RPS6: variants seen among roughly 807,000 people sequenced by gnomAD.
RPS6 encodes small ribosomal subunit protein eS6.
Under a neutral mutation model 27.1 loss-of-function variants are expected in RPS6, and 1 was observed. That is an observed-to-expected ratio of 0.04 (90% CI 0.01 to 0.18). The LOEUF is 0.18. Among genes scored for constraint, RPS6 ranks in the 10% least tolerant of loss-of-function variants. The probability of loss-of-function intolerance (pLI) is 1.00; values close to 1 mark genes in which losing one functional copy is unlikely to be tolerated. For synonymous variants in RPS6, 152 were observed against 106.0 expected (o/e 1.43, Z -2.66); for missense variants, 259 against 319.1 (o/e 0.81, Z 1.44).
At chr9:19,376,698 A>ATCCACT (rs1351455743) in intron 4 of RPS6, 47 bp from the exon 5 acceptor site, 1 of 1,558,108 alleles carries the variant, frequency 6.4e-7, no homozygotes, top group South Asian at 1.2e-5. Context: ...TTTTGTTAGA[A>ATCCACT]TCCACATCTA....
At chr9:19,379,178 C>T (rs1160184809) in intron 2 of RPS6, 1 of 900,286 alleles carries the variant, frequency 1.1e-6, no homozygotes, top group Non-Finnish European at 1.6e-6. Context: ...AAATATCAAA[C>T]AGCAACAAAC....
chr9:19,379,345 A>T (rs755405130), intron 2 of RPS6, 142 bp downstream of exon 2: 87 of 1,543,376 alleles, frequency 5.6e-5, no homozygotes, highest in Non-Finnish European at 7.6e-5. Flanking sequence ...TAATACCTCT[A>T]ACTTTATAAA....
chr9:19,380,167 T>A (rs775039096), intron 1 of RPS6, 23 bp downstream of exon 1: 1 of 1,614,104 alleles, frequency 6.2e-7, no homozygotes, highest in Non-Finnish European at 8.5e-7. Context: ...AAACCCAGTC[T>A]AACACTCGCC....
intron 4 of RPS6, 144 bp from the exon 5 acceptor site, chr9:19,376,795 T>G (rs1829595962): frequency 1.5e-6 from 1 of 683,864 alleles, no homozygotes; most frequent in African/African-American, 1.8e-5. Flanking sequence ...AGAACTATTC[T>G]AAAATGCTTT....
chr9:19,379,557 T>C lies in RPS6; in HGVS notation c.68A>G (p.Lys23Arg), dbSNP rs150091661. The change falls in exon 2 of 6, where the codon AAA becomes AGA. Residue 23 changes from lysine to arginine, a missense_variant. By Grantham distance (26) the Lys-to-Arg change is conservative. This residue lies in a region of RPS6 where 65 missense variants were observed against 66.6 expected (regional missense o/e 0.98). Coordinates refer to ENST00000380394, the MANE Select transcript of RPS6 (RefSeq NM_001010.3). ...ACGCTTCTCATAGAAAGTACGAAGT[T>C]TGCGTTCATCGTCCACTTCAATGAG... is the stretch of plus-strand genomic sequence containing the variant. ...QKLIEVDDER[K>R]LRTFYEKRMA... is the part of the protein sequence containing the mutation. 2.1e-5 allele frequency: 34 copies of C among 1,614,226 alleles called. No individual in the cohort carries two copies. In the African/African-American group the frequency reaches 3.7e-4, roughly 18 times the overall value.
intron 4 of RPS6, among the ~76,000 whole-genome samples, chr9:19,377,528 G>GT: frequency 6.6e-6 from 1 of 151,896 alleles, no homozygotes; most frequent in South Asian, 2.1e-4. Flanking sequence ...TCTATGCCAT[G>GT]TATGTTAAGT....
chr9:19,380,043 T>C, intron 1 of RPS6, 147 bp downstream of exon 1: 1 of 1,570,806 alleles, frequency 6.4e-7, no homozygotes, highest in East Asian at 2.3e-5. Context: ...AAAAGCTCCA[T>C]GCCCCAGAAA....
Position 19,376,531 on chromosome 9 carries a change from G to C in RPS6, c.617C>G (p.Ala206Gly). Residue 206 changes from alanine to glycine, a missense_variant, in exon 5 of 6, where the codon GCT becomes GGT. By Grantham distance (60) the Ala-to-Gly change is moderately conservative. Transcript: ENST00000380394. ...GGCCAAAAGTTTAGCATATTCTGCA[G>C]CCTCTTCTTTATTTTTCTTGGTACG... ...KQRTKKNKEE[A>G]AEYAKLLAKR... is the part of the protein sequence containing the mutation. 1.2e-6 allele frequency: 2 copies of C among 1,614,072 alleles called. No homozygotes were observed. Among genetic ancestry groups the C allele is most frequent in the African/African-American group, 1.3e-5 (1 of 75,008 alleles).
At chr9:19,378,956 C>T in intron 2 of RPS6, 38 bp from the exon 3 acceptor site, 1 of 1,590,076 alleles carries the variant, frequency 6.3e-7, no homozygotes, top group Non-Finnish European at 8.6e-7. Context: ...TTTACTATTT[C>T]TATTCCAAAA....
At chr9:19,378,591 T>C in intron 3 of RPS6, 77 bp from the exon 4 acceptor site, 10 of 1,585,210 alleles carry the variant, frequency 6.3e-6, no homozygotes, top group East Asian at 2.2e-5. Flanking sequence ...TAATGTTGAA[T>C]TGATGGTAGA....
chr9:19,377,447 T>A (rs995739260), intron 4 of RPS6, among the ~76,000 whole-genome samples: 6 of 151,568 alleles, frequency 4.0e-5, no homozygotes, highest in African/African-American at 1.5e-4. Flanking sequence ...TTGTCTATAC[T>A]GTATTCTCAG....
In RPS6 at chr9:19,375,888, A is replaced by ACCTTT. The variant is rs1829566384; in HGVS notation, c.*400_*404dup. On this transcript the variant is annotated 3_prime_UTR_variant, in exon 6 of 6. Coordinates refer to ENST00000380394, the MANE Select transcript of RPS6 (RefSeq NM_001010.3). ...CCACTAAAACTATGCCTTAAAAGTT[A>ACCTTT]CCTTTTAAAAAAGACATGTTCATCT... The ACCTTT allele has an allele frequency of 1.3e-5, 2 of 154,472 alleles. No homozygotes were observed. Among genetic ancestry groups the ACCTTT allele is most frequent in the Non-Finnish European group, 2.9e-5 (2 of 69,530 alleles). 9.6% of individuals were successfully genotyped at this position (154,472 alleles called of 1,614,324 possible).
rs878981504 is a variant in RPS6 at position 19,376,488 on chromosome 9, A to G, written c.654+6T>C. 6 of 1,613,776 alleles carry G rather than the reference A, an allele frequency of 3.7e-6. No individual in the cohort carries two copies. Among genetic ancestry groups the G allele is most frequent in the Non-Finnish European group, 5.1e-6 (6 of 1,179,900 alleles). On this transcript the variant is annotated splice_donor_region_variant and intron_variant, in intron 5 of 5. Transcript: ENST00000380394. ...CTCCCACCCCCTCAAATCATCTTAG[A>G]CTAACCTTCATTCTCTTGGCCAAAA... is the stretch of plus-strand genomic sequence containing the variant.
At chr9:19,376,925 G>A in intron 4 of RPS6, 1 of 305,644 alleles carries the variant, frequency 3.3e-6, no homozygotes, top group Non-Finnish European at 6.0e-6. Flanking sequence ...AAATACAGTG[G>A]CATTATGTTA....
chr9:19,380,027 C>T, intron 1 of RPS6, 163 bp downstream of exon 1: 1 of 1,530,012 alleles, frequency 6.5e-7, no homozygotes. Context: ...GCCATCCGTT[C>T]GGCCAAAAAG....
chr9:19,376,269 T>G lies in RPS6; in HGVS notation c.*24A>C. 1 of 1,576,472 alleles carries G rather than the reference T, an allele frequency of 6.3e-7. No homozygotes were observed. Among genetic ancestry groups the G allele is most frequent in the Non-Finnish European group, 8.7e-7 (1 of 1,152,076 alleles). ...GTCAACAGAGATCAGAGTCTGATCT[T>G]ATTTATTTGTTACTCAAAAAATCTT... On this transcript the variant is annotated 3_prime_UTR_variant, in exon 6 of 6. Transcript: ENST00000380394.
intron 1 of RPS6, 35 bp downstream of exon 1, chr9:19,380,155 C>G (rs777671286): frequency 6.2e-7 from 1 of 1,613,742 alleles, no homozygotes; most frequent in Admixed American, 1.7e-5. Flanking sequence ...TTCACGTTCC[C>G]CAAACCCAGT....
Position 19,379,568 on chromosome 9 carries a change from G to A in RPS6, c.57C>T (p.Asp19=), listed in dbSNP as rs531584522. 3 of 1,614,132 alleles carry A rather than the reference G, an allele frequency of 1.9e-6. No homozygotes were observed. In the African/African-American group the frequency reaches 4.0e-5, roughly 22 times the overall value. ...ATGCQKLIEV[D]DERKLRTFYE... is the part of the protein sequence containing the mutation. ...AGAAAGTACGAAGTTTGCGTTCATC[G>A]TCCACTTCAATGAGTTTCTGGCAGC... Residue 19 remains aspartate, a synonymous_variant, in exon 2 of 6, where the codon GAC becomes GAT. Transcript: ENST00000380394.
intron 2 of RPS6, chr9:19,379,282 G>A: frequency 6.8e-7 from 1 of 1,464,192 alleles, no homozygotes; most frequent in Non-Finnish European, 9.1e-7. Flanking sequence ...GAATTATGTT[G>A]ATGTAAACTT....
Sources: gnomAD v4.1 joint callset for allele counts (sites outside exome capture counted in the v4.1 genomes callset) on GRCh38, gnomAD v4.1.1 for gene constraint, gnomAD v4.1.1 regional missense constraint, MANE v1.5 for transcripts, NCBI Gene and HGNC (gene_info 2026-07-23, HGNC 2026-07-21) for gene names.